Variants in BMPR1A observed in about 807,000 individuals in gnomAD.
BMPR1A encodes the protein bone morphogenetic protein receptor type-1A.
Under a neutral mutation model 66.0 loss-of-function variants are expected in BMPR1A, and 7 were observed. The observed-to-expected ratio is 0.11, with a 90% CI of 0.06 to 0.20. The LOEUF (loss-of-function observed/expected upper bound fraction) is 0.20. Among genes scored for constraint, BMPR1A ranks in the 10% least tolerant of loss-of-function variants. The pLI, the probability that BMPR1A is intolerant of heterozygous loss-of-function variation, is 1.00. For synonymous variants in BMPR1A, 200 were observed against 229.7 expected (o/e 0.87, Z 1.17); for missense variants, 408 against 669.1 (o/e 0.61, Z 4.31).
intron 1 of BMPR1A, among the ~76,000 whole-genome samples, chr10:86,830,603 C>T (rs546096072): frequency 4.6e-4 from 70 of 152,066 alleles, no homozygotes; most frequent in Non-Finnish European, 9.0e-4. Flanking sequence ...TCTTTTCATG[C>T]GCGTATTTGC....
At chr10:86,898,106 G>T (rs774647465) in intron 5 of BMPR1A, among the ~76,000 whole-genome samples, 6 of 151,962 alleles carry the variant, frequency 3.9e-5, no homozygotes, top group Non-Finnish European at 8.8e-5. Flanking sequence ...TATTTTTAGA[G>T]ATAGGGTCTC....
At chr10:86,843,066 C>G (rs1169193020) in intron 2 of BMPR1A, among the ~76,000 whole-genome samples, 2 of 152,162 alleles carry the variant, frequency 1.3e-5, no homozygotes, top group Non-Finnish European at 2.9e-5. Context: ...TTAGGCTATT[C>G]TTAACTGTTT....
At chr10:86,776,021 GTCTC>G (rs986670803) in intron 1 of BMPR1A, among the ~76,000 whole-genome samples, 2 of 152,018 alleles carry the variant, frequency 1.3e-5, no homozygotes, top group African/African-American at 2.4e-5. Context: ...ACCTTCCATT[GTCTC>G]TCTTTTTCTA....
intron 2 of BMPR1A, among the ~76,000 whole-genome samples, chr10:86,863,251 TAC>T (rs2133245331): frequency 6.6e-6 from 1 of 152,312 alleles, no homozygotes; most frequent in African/African-American, 2.4e-5. Context: ...GTGCTGGGAT[TAC>T]AGACGAGAGC....
At chr10:86,831,174 A>G (rs974701042) in intron 1 of BMPR1A, among the ~76,000 whole-genome samples, 7 of 152,222 alleles carry the variant, frequency 4.6e-5, no homozygotes. Flanking sequence ...CGTCTGCATC[A>G]GTACAGCTGC....
At chr10:86,786,541 G>C (rs572115656) in intron 1 of BMPR1A, among the ~76,000 whole-genome samples, 21 of 152,276 alleles carry the variant, frequency 1.4e-4, no homozygotes, top group African/African-American at 4.6e-4. Context: ...TGGCTTCCAG[G>C]ATAGCATACA....
rs1414513597 is a variant in BMPR1A at position 86,904,978 on chromosome 10, T to TA, written c.530+4852_530+4853insA. Among the ~76,000 whole-genome samples, 76 of 152,310 alleles carry TA rather than the reference T, an allele frequency of 5.0e-4. No individual in the cohort carries two copies. The East Asian group carries it at 0.012, about 24-fold the overall frequency. On this transcript the variant is annotated intron_variant, in intron 7 of 12. Transcript: ENST00000372037. ...TTTGGAATATTCATTCATATTTAGTTGAACTTTAACAAGTCACAAGTTGTT... is the reference window on the plus strand; with the variant it reads ...TTTGGAATATTCATTCATATTTAGTTAGAACTTTAACAAGTCACAAGTTGTT...
intron 1 of BMPR1A, among the ~76,000 whole-genome samples, chr10:86,781,857 CTTT>C (rs1162095658): frequency 4.7e-5 from 4 of 84,222 alleles, no homozygotes; most frequent in Non-Finnish European, 6.5e-5. Flanking sequence ...GACAGGATTT[CTTT>C]TTTTTTTTTT....
intron 5 of BMPR1A, among the ~76,000 whole-genome samples, chr10:86,893,787 C>CAA (rs57732446): frequency 0.16 from 21,077 of 133,298 alleles, 2,384 homozygotes; most frequent in East Asian, 0.66. Flanking sequence ...GACTCTGTCT[C>CAA]AAAAAAAAAA....
rs35619497 is a variant in BMPR1A at position 86,921,680 on chromosome 10, C to T, written c.1327C>T (p.Arg443Cys). 1,263 of 1,614,086 alleles carry T rather than the reference C, an allele frequency of 7.8e-4. 1 individual carries two copies. The highest frequency in any genetic ancestry group is 2.5e-3 in the Admixed American group (148 of 60,012). The change falls in exon 11 of 13, where the codon CGT (arginine) becomes TGT (cysteine). Residue 443 changes from arginine (R) to cysteine (C), a missense_variant. Physicochemically the swap from Arg to Cys is radical, Grantham distance 180. Around this residue, in one of 5 missense-constraint regions of BMPR1A, gnomAD observed 130 missense variants for 257.3 expected, o/e 0.51. Transcript: ENST00000372037. ...CCTAATCATTTGGGAGATGGCTCGT[C>T]GTTGTATCACAGGAGGTGGGAGTTT... ...FGLIIWEMAR[R>C]CITGGIVEEY...
intron 1 of BMPR1A, among the ~76,000 whole-genome samples, chr10:86,832,304 A>G (rs1169143977): frequency 1.3e-5 from 2 of 152,116 alleles, no homozygotes; most frequent in African/African-American, 4.8e-5. Flanking sequence ...TGTCTCTACT[A>G]AAAATACAAA....
At position 86,896,024 on chromosome 10, in the gene BMPR1A, C is replaced by T. The variant is rs553128823; in HGVS notation, c.334-3770C>T. Among the ~76,000 whole-genome samples the T allele has an allele frequency of 3.3e-5, 5 of 152,196 alleles. No individual in the cohort carries two copies. In the South Asian group the frequency reaches 8.3e-4, roughly 25 times the overall value. On this transcript the variant is annotated intron_variant, in intron 5 of 12. Coordinates refer to ENST00000372037, the MANE Select transcript of BMPR1A (RefSeq NM_004329.3). ...CAAAAATTAGCCGGGCGTGGTGGCACACTCCTGTAATCCCAGCTACTTGGG... is the reference window on the plus strand; with the variant it reads ...CAAAAATTAGCCGGGCGTGGTGGCATACTCCTGTAATCCCAGCTACTTGGG...
At chr10:86,867,851 TGGG>T (rs1323114671) in intron 2 of BMPR1A, among the ~76,000 whole-genome samples, 2 of 152,156 alleles carry the variant, frequency 1.3e-5, no homozygotes, top group East Asian at 3.8e-4. Context: ...ATACTTGTGT[TGGG>T]GAAACTATCT....
chr10:86,779,856 C>T (rs776603426), intron 1 of BMPR1A, among the ~76,000 whole-genome samples: 3 of 152,226 alleles, frequency 2.0e-5, no homozygotes, highest in African/African-American at 4.8e-5. Context: ...TCAGCATCAG[C>T]CTCCCAAAGT....
intron 3 of BMPR1A, among the ~76,000 whole-genome samples, chr10:86,887,022 G>A (rs903416217): frequency 1.7e-4 from 26 of 151,614 alleles, no homozygotes; most frequent in African/African-American, 5.8e-4. Context: ...TAGTAGAGAC[G>A]GGGTTTCACC....
intron 11 of BMPR1A, among the ~76,000 whole-genome samples, chr10:86,922,115 T>C (rs909983422): frequency 1.3e-5 from 2 of 152,198 alleles, no homozygotes; most frequent in African/African-American, 4.8e-5. Context: ...TTCAGTTGTT[T>C]TGATTTTTAG....
At chr10:86,837,876 A>G (rs750697705) in intron 1 of BMPR1A, among the ~76,000 whole-genome samples, 4 of 152,184 alleles carry the variant, frequency 2.6e-5, no homozygotes, top group African/African-American at 4.8e-5. Flanking sequence ...TTTAAGAAAG[A>G]CTGCTACCTG....
intron 2 of BMPR1A, among the ~76,000 whole-genome samples, chr10:86,862,537 A>C (rs940401345): frequency 1.3e-5 from 2 of 152,260 alleles, no homozygotes; most frequent in African/African-American, 4.8e-5. Flanking sequence ...CTGTGTTGCA[A>C]ATCCATAGTG....
At chr10:86,783,612 G>A (rs1841469574) in intron 1 of BMPR1A, among the ~76,000 whole-genome samples, 2 of 151,870 alleles carry the variant, frequency 1.3e-5, no homozygotes, top group Non-Finnish European at 2.9e-5. Flanking sequence ...TTTTAGAAAC[G>A]GGATCTCGTT....
Sources: gnomAD v4.1 joint callset for allele counts (sites outside exome capture counted in the v4.1 genomes callset) on GRCh38, gnomAD v4.1.1 for gene constraint, gnomAD v4.1.1 regional missense constraint, MANE v1.5 for transcripts, NCBI Gene and HGNC (gene_info 2026-07-23, HGNC 2026-07-21) for gene names.